The following TNR variants were observed in gnomAD, a reference collection of about 807,000 sequenced individuals.
TNR encodes tenascin R.
In TNR, 45 loss-of-function variants were observed where a neutral mutation model predicts 150.4. The ratio of observed to expected loss-of-function variants is 0.30; its 90% CI spans 0.24 to 0.38. TNR has a LOEUF of 0.38. Among genes scored for constraint, TNR ranks in the 10% least tolerant of loss-of-function variants. TNR has a pLI of 1.00. For missense variants in TNR, 1,544 were observed against 1,759.1 expected (o/e 0.88, Z 2.19); for synonymous variants, 687 against 678.4 (o/e 1.01, Z -0.20).
intron 1 of TNR, among the ~76,000 whole-genome samples, chr1:175,676,332 A>C (rs1196402066): frequency 6.6e-6 from 1 of 152,156 alleles, no homozygotes; most frequent in East Asian, 1.9e-4. Flanking sequence ...CTGGAGGGCA[A>C]GAGGGCTCTT....
At chr1:175,611,247 A>G (rs1663588475) in intron 1 of TNR, among the ~76,000 whole-genome samples, 1 of 152,156 alleles carries the variant, frequency 6.6e-6, no homozygotes, top group Non-Finnish European at 1.5e-5. Context: ...CACATCAGGG[A>G]AATGATGTCC....
intron 1 of TNR, among the ~76,000 whole-genome samples, chr1:175,738,858 A>G (rs1433538111): frequency 6.6e-6 from 1 of 152,204 alleles, no homozygotes; most frequent in Non-Finnish European, 1.5e-5. Flanking sequence ...TCTCTTAAGG[A>G]GATGAAACTC....
chr1:175,641,652 C>A (rs1379004452), intron 1 of TNR, among the ~76,000 whole-genome samples: 2 of 152,180 alleles, frequency 1.3e-5, no homozygotes, highest in Non-Finnish European at 2.9e-5. Context: ...AGAAAATAAA[C>A]TTCCCAAGTC....
chr1:175,457,761 C>T (rs1656630126), intron 2 of TNR, among the ~76,000 whole-genome samples: 1 of 152,186 alleles, frequency 6.6e-6, no homozygotes, highest in African/African-American at 2.4e-5. Context: ...CATTCAATAG[C>T]TATAATTTGT....
chr1:175,464,677 C>G (rs1656955217), intron 2 of TNR, among the ~76,000 whole-genome samples: 2 of 152,196 alleles, frequency 1.3e-5, no homozygotes, highest in Non-Finnish European at 2.9e-5. Context: ...AGGTCATTTT[C>G]TAGAGCAGAA....
chr1:175,355,507 C>A lies in TNR; in HGVS notation c.3245G>T (p.Arg1082Leu), dbSNP rs745921585. 2 of 1,613,652 alleles carry A rather than the reference C, an allele frequency of 1.2e-6. No individual in the cohort carries two copies. The highest frequency in any genetic ancestry group is 1.7e-6 in the Non-Finnish European group (2 of 1,179,730). ...CCCTTTCCAGCAAAATCTCACCTTG[C>A]GGCTTCCATCGGTGGATTTGTAGGT... ...VLTYKSTDGS[R>L]KELIVDAEDT... The change falls in exon 17 of 23, where the codon CGC becomes CTC. Residue 1082 changes from arginine to leucine, a missense_variant. Around this residue, in one of 2 missense-constraint regions of TNR, gnomAD observed 290 missense variants for 429.7 expected, o/e 0.67. Transcript: ENST00000367674.
intron 1 of TNR, among the ~76,000 whole-genome samples, chr1:175,612,033 G>GA (rs1663616265): frequency 6.6e-6 from 1 of 152,120 alleles, no homozygotes; most frequent in Non-Finnish European, 1.5e-5. Context: ...TCACAGACTG[G>GA]AATATAAGGA....
intron 2 of TNR, among the ~76,000 whole-genome samples, chr1:175,482,500 C>T (rs896323851): frequency 2.0e-5 from 3 of 152,132 alleles, no homozygotes; most frequent in African/African-American, 7.2e-5. Context: ...TAAAATGAAT[C>T]GCAGGAACCA....
At chr1:175,409,900 T>C (rs1411341788) in intron 2 of TNR, among the ~76,000 whole-genome samples, 1 of 152,236 alleles carries the variant, frequency 6.6e-6, no homozygotes, top group Non-Finnish European at 1.5e-5. Flanking sequence ...CAGACAATTA[T>C]ATATGTCATA....
intron 1 of TNR, among the ~76,000 whole-genome samples, chr1:175,594,602 C>T (rs368018976): frequency 2.6e-5 from 4 of 152,118 alleles, no homozygotes; most frequent in South Asian, 2.1e-4. Context: ...TGCCTGTAAT[C>T]GCAATACTTT....
In TNR at chr1:175,445,775, G is replaced by A. The variant is rs187161462; in HGVS notation, c.-63-38998C>T. 1.7e-3 allele frequency among the ~76,000 whole-genome samples: 254 copies of A among 152,274 alleles called. 1 individual carries two copies. Among genetic ancestry groups the A allele is most frequent in the Admixed American group, 4.1e-3 (63 of 15,304 alleles). ...TCCCAGAACTGATAGAAAACTCCCCGAGGTTAATAATTCATGCATGACCTA... is the reference window on the plus strand; with the variant it reads ...TCCCAGAACTGATAGAAAACTCCCCAAGGTTAATAATTCATGCATGACCTA... On this transcript the variant is annotated intron_variant, in intron 2 of 22. Transcript: ENST00000367674.
intron 2 of TNR, among the ~76,000 whole-genome samples, chr1:175,420,445 A>C (rs1017181872): frequency 1.3e-5 from 2 of 152,256 alleles, no homozygotes; most frequent in Admixed American, 6.5e-5. Context: ...GCCTTATACC[A>C]TAAATAACAG....
Position 175,659,925 on chromosome 1 carries a change from C to T in TNR, c.-165+83301G>A, listed in dbSNP as rs1431501843. 3.5e-5 allele frequency among the ~76,000 whole-genome samples: 4 copies of T among 113,956 alleles called. No individual in the cohort carries two copies. In the East Asian group the frequency reaches 8.3e-4, roughly 24 times the overall value. 74.8% of individuals were successfully genotyped at this position (113,956 alleles called of 152,430 possible). A position where few individuals can be genotyped will look rare whatever the true frequency, so the allele number is the denominator to read the frequency against. On this transcript the variant is annotated intron_variant, in intron 1 of 22. Coordinates refer to ENST00000367674, the MANE Select transcript of TNR (RefSeq NM_003285.3). ...TTTTTTTTTTTTTTTTTGCCTTCAT[C>T]GCTGCTCTTAATTTTTCTTTCGCCA...
intron 9 of TNR, among the ~76,000 whole-genome samples, chr1:175,371,941 C>A (rs1652124380): frequency 6.6e-6 from 1 of 152,074 alleles, no homozygotes; most frequent in African/African-American, 2.4e-5. Context: ...CTCCAAATCT[C>A]ATATTGAATT....
At chr1:175,405,644 T>C (rs922112717) in intron 3 of TNR, among the ~76,000 whole-genome samples, 2 of 140,550 alleles carry the variant, frequency 1.4e-5, no homozygotes, top group Non-Finnish European at 1.5e-5. Flanking sequence ...TGTGTGTGTG[T>C]GTGTGCATAC....
chr1:175,403,575 A>G lies in TNR; in HGVS notation c.541T>C (p.Phe181Leu). ...ATGCAGCCACAGGACTCAAAGCTAA[A>G]GTTGCCGTGGCCACTGCAGTGAGGG... ...YIPHCSGHGNFSFESCGCICN... is the reference protein window; with the variant it reads ...YIPHCSGHGNLSFESCGCICN... Residue 181 changes from phenylalanine to leucine, a missense_variant, in exon 4 of 23, where the codon TTT becomes CTT. By Grantham distance (22) the Phe-to-Leu change is conservative. This residue lies in a region of TNR where 1,254 missense variants were observed against 1,329.4 expected (regional missense o/e 0.94). Transcript: ENST00000367674. The G allele has an allele frequency of 1.2e-6, 2 of 1,614,120 alleles. No individual in the cohort carries two copies. Among genetic ancestry groups the G allele is most frequent in the Non-Finnish European group, 1.7e-6 (2 of 1,180,026 alleles).
chr1:175,447,387 G>T (rs563250934), intron 2 of TNR, among the ~76,000 whole-genome samples: 2 of 152,224 alleles, frequency 1.3e-5, no homozygotes, highest in African/African-American at 4.8e-5. Flanking sequence ...TTTTTGGAGG[G>T]TGGGCAGCGG....
intron 1 of TNR, among the ~76,000 whole-genome samples, chr1:175,623,717 G>A (rs1219149039): frequency 6.6e-6 from 1 of 152,240 alleles, no homozygotes; most frequent in Admixed American, 6.5e-5. Flanking sequence ...TGACAGGGAG[G>A]AAACCAGCAG....
intron 1 of TNR, among the ~76,000 whole-genome samples, chr1:175,737,597 T>C (rs114538934): frequency 0.016 from 2,387 of 152,306 alleles, 60 homozygotes; most frequent in African/African-American, 0.053. Flanking sequence ...GATAATGTCC[T>C]AGGACCAATG....
Sources: gnomAD v4.1 joint callset for allele counts (sites outside exome capture counted in the v4.1 genomes callset) on GRCh38, gnomAD v4.1.1 for gene constraint, gnomAD v4.1.1 regional missense constraint, MANE v1.5 for transcripts, NCBI Gene and HGNC (gene_info 2026-07-23, HGNC 2026-07-21) for gene names.